KCND2: variants seen among roughly 807,000 people sequenced by gnomAD.
The protein encoded by KCND2 is potassium voltage-gated channel subfamily D member 2, also known as A-type voltage-gated potassium channel KCND2.
In KCND2, 16 loss-of-function variants were observed where a neutral mutation model predicts 54.4. The ratio of observed to expected loss-of-function variants is 0.29; its 90% confidence interval spans 0.20 to 0.45. The LOEUF is 0.45. KCND2 is among the 20% of genes least tolerant of loss of function. The pLI is 1.00. For synonymous variants in KCND2, 317 were observed against 310.7 expected, an observed-to-expected ratio of 1.02 and a Z score of -0.21; for missense variants, 486 against 824.2, an observed-to-expected ratio of 0.59 and a Z score of 5.02.
intron 1 of KCND2, among the ~76,000 whole-genome samples, chr7:120,493,317 A>G (rs1220783502): frequency 5.3e-5 from 8 of 151,862 alleles, no homozygotes; most frequent in Non-Finnish European, 1.2e-4. Flanking sequence ...TTCTTTTCTT[A>G]ACGGTTTAAG....
intron 1 of KCND2, among the ~76,000 whole-genome samples, chr7:120,478,061 C>A (rs1259924937): frequency 6.6e-6 from 1 of 152,120 alleles, no homozygotes; most frequent in Non-Finnish European, 1.5e-5. Flanking sequence ...TCTAACCATT[C>A]ATTCATCATG....
intron 1 of KCND2, among the ~76,000 whole-genome samples, chr7:120,437,537 G>A (rs534992623): frequency 1.1e-4 from 16 of 143,626 alleles, no homozygotes; most frequent in African/African-American, 4.4e-4. Flanking sequence ...TCTGAATTAG[G>A]GGAAGGCCAT....
chr7:120,714,392 A>G (rs570071005), intron 1 of KCND2, among the ~76,000 whole-genome samples: 45 of 152,290 alleles, frequency 3.0e-4, no homozygotes, highest in African/African-American at 1.1e-3. Flanking sequence ...TGAAACTAAC[A>G]TATAAAAAGC....
At chr7:120,570,018 A>G (rs1792342949) in intron 1 of KCND2, among the ~76,000 whole-genome samples, 1 of 152,194 alleles carries the variant, frequency 6.6e-6, no homozygotes, top group African/African-American at 2.4e-5. Flanking sequence ...GTAGCGCATT[A>G]AGGATATTCA....
chr7:120,301,105 CAATAACA>C (rs900135947), intron 1 of KCND2, among the ~76,000 whole-genome samples: 7 of 151,994 alleles, frequency 4.6e-5, no homozygotes, highest in South Asian at 2.1e-4. Context: ...AACAATAAAA[CAATAACA>C]AATAACAAAT....
chr7:120,710,761 T>C (rs1344775073), intron 1 of KCND2, among the ~76,000 whole-genome samples: 1 of 152,164 alleles, frequency 6.6e-6, no homozygotes, highest in Non-Finnish European at 1.5e-5. Flanking sequence ...CTTATAAACG[T>C]TGAGGAACTC....
chr7:120,593,427 A>C (rs1251148655), intron 1 of KCND2, among the ~76,000 whole-genome samples: 2 of 152,146 alleles, frequency 1.3e-5, no homozygotes, highest in Non-Finnish European at 2.9e-5. Flanking sequence ...CATATATTGG[A>C]AAAGAAGATT....
intron 1 of KCND2, among the ~76,000 whole-genome samples, chr7:120,450,454 G>A (rs1027319474): frequency 3.3e-5 from 5 of 152,068 alleles, no homozygotes; most frequent in African/African-American, 1.2e-4. Flanking sequence ...GTGATGGAGT[G>A]GAAAAGGAGA....
intron 1 of KCND2, among the ~76,000 whole-genome samples, chr7:120,306,359 G>T (rs1799651612): frequency 6.6e-6 from 1 of 151,748 alleles, no homozygotes; most frequent in African/African-American, 2.4e-5. Flanking sequence ...TTGAACAATG[G>T]TTTAGACTTT....
chr7:120,484,987 A>G (rs1020957389), intron 1 of KCND2, among the ~76,000 whole-genome samples: 2 of 152,110 alleles, frequency 1.3e-5, no homozygotes, highest in African/African-American at 4.8e-5. Flanking sequence ...CCTGGACTCA[A>G]GTGATCCTCC....
chr7:120,407,869 A>G (rs994277694), intron 1 of KCND2, among the ~76,000 whole-genome samples: 5 of 151,958 alleles, frequency 3.3e-5, no homozygotes, highest in Admixed American at 2.0e-4. Context: ...AAGAGATGAA[A>G]GATGAGGCTG....
chr7:120,712,072 G>A (rs1395225856), intron 1 of KCND2, among the ~76,000 whole-genome samples: 1 of 150,500 alleles, frequency 6.6e-6, no homozygotes, highest in African/African-American at 2.4e-5. Flanking sequence ...GGTCCTAGCT[G>A]ATGTTCCTTG....
intron 1 of KCND2, among the ~76,000 whole-genome samples, chr7:120,545,341 A>T (rs540104166): frequency 6.6e-6 from 1 of 151,938 alleles, no homozygotes; most frequent in Admixed American, 6.6e-5. Flanking sequence ...GCCAGGTCCC[A>T]TAGAAAAGAT....
At chr7:120,718,424 A>G (rs1240506987) in intron 1 of KCND2, among the ~76,000 whole-genome samples, 1 of 152,162 alleles carries the variant, frequency 6.6e-6, no homozygotes, top group Non-Finnish European at 1.5e-5. Context: ...TAGGAAAAAA[A>G]TCATGTTTCT....
rs114782213 is a variant in KCND2, at chr7:120,726,668, T to C, written c.1116-6235T>C. On this transcript the variant is annotated intron_variant, in intron 1 of 5. Coordinates refer to ENST00000331113, the MANE Select transcript of KCND2 (RefSeq NM_012281.3). ...TACTTTCATCTAACTTTTTAAAGGA[T>C]ACCTGCTTTTCAAATACTTACACTC... Among the ~76,000 whole-genome samples the C allele has an allele frequency of 2.0e-3, 301 of 152,352 alleles. 2 individuals carry two copies. Among genetic ancestry groups the C allele is most frequent in the African/African-American group, 6.5e-3 (271 of 41,592 alleles).
At chr7:120,359,694 T>C (rs1800565502) in intron 1 of KCND2, among the ~76,000 whole-genome samples, 1 of 152,136 alleles carries the variant, frequency 6.6e-6, no homozygotes, top group South Asian at 2.1e-4. Context: ...GCAGGGGATC[T>C]GATATAGTTG....
chr7:120,547,648 TA>T (rs1243681660), intron 1 of KCND2, among the ~76,000 whole-genome samples: 1 of 151,720 alleles, frequency 6.6e-6, no homozygotes, highest in African/African-American at 2.4e-5. Flanking sequence ...TTACCCATCT[TA>T]AAAAAAATGT....
chr7:120,720,131 G>T (rs187569885), intron 1 of KCND2, among the ~76,000 whole-genome samples: 2 of 152,160 alleles, frequency 1.3e-5, no homozygotes, highest in East Asian at 1.9e-4. Flanking sequence ...AAACTAAAAA[G>T]CTTCGAGTGT....
intron 1 of KCND2, among the ~76,000 whole-genome samples, chr7:120,645,274 G>T (rs66922945): frequency 0.21 from 32,330 of 151,980 alleles, 4,517 homozygotes; most frequent in African/African-American, 0.39. Flanking sequence ...GTGTCTTGTG[G>T]CATGTTAATA....
Sources: gnomAD v4.1 joint callset for allele counts (sites outside exome capture counted in the v4.1 genomes callset) on GRCh38, gnomAD v4.1.1 for gene constraint, MANE v1.5 for transcripts, NCBI Gene and HGNC (gene_info 2026-07-23, HGNC 2026-07-21) for gene names.